TENM2: variants seen among roughly 807,000 people sequenced by gnomAD.
TENM2 encodes teneurin transmembrane protein 2, also known as teneurin-2.
TENM2 carries 52 observed loss-of-function variants against 245.2 expected under a neutral mutation model. The ratio of observed to expected loss-of-function variants is 0.21; its 90% CI spans 0.17 to 0.27. The LOEUF (loss-of-function observed/expected upper bound fraction) is 0.27, where lower values mean the gene tolerates loss of function less well. Ranked by LOEUF, TENM2 falls within the 10% of genes least tolerant of loss-of-function variation. The pLI is 1.00. For missense variants in TENM2, 3,046 were observed against 3,666.8 expected (o/e 0.83, Z 4.37); for synonymous variants, 1,363 against 1,438.9 (o/e 0.95, Z 1.19).
the TENM2 span, among the ~76,000 whole-genome samples, chr5:167,149,634 T>C: frequency 6.6e-6 from 1 of 152,174 alleles, no homozygotes; most frequent in Non-Finnish European, 1.5e-5. Flanking sequence ...AGGTTTCTTC[T>C]CTGGGAATAA....
At position 167,352,303 on chromosome 5, in the gene TENM2, A is replaced by G. The variant is rs539288129; in HGVS notation, c.227-22895A>G. Among the ~76,000 whole-genome samples, 18 of 152,214 alleles carry G rather than the reference A, an allele frequency of 1.2e-4. 2 individuals are homozygous for G. In the South Asian group the frequency reaches 3.1e-3, roughly 26 times the overall value. On this transcript the variant is annotated intron_variant, in intron 1 of 28. Transcript: ENST00000518659. ...CTACAATGGCTGAGTTAGCTTCTTT[A>G]TGTTAACTGCCTTGATTTTGTAAGT... is the stretch of plus-strand genomic sequence containing the variant.
At chr5:167,294,271 T>C (rs1201503166) in intron 1 of TENM2, 4 of 152,186 alleles carry the variant, frequency 2.6e-5, no homozygotes, top group East Asian at 1.9e-4. Flanking sequence ...GGAGGTATCC[T>C]GTAGGCTCTC....
chr5:168,125,272 A>C (rs1419296406), intron 11 of TENM2, among the ~76,000 whole-genome samples: 8 of 152,212 alleles, frequency 5.3e-5, no homozygotes. Context: ...CCGCAAATGC[A>C]TGAGGAGCCC....
At chr5:167,375,507 T>A (rs1561905917) in intron 2 of TENM2, 34 bp downstream of exon 4, 1 of 1,542,568 alleles carries the variant, frequency 6.5e-7, no homozygotes, top group East Asian at 2.4e-5. Flanking sequence ...TTTAACGTTC[T>A]GTGCACTGCA....
chr5:168,049,835 C>T lies in TENM2; in HGVS notation c.1309+2286C>T, dbSNP rs185296164. Among the ~76,000 whole-genome samples the T allele has an allele frequency of 3.7e-4, 56 of 152,310 alleles. No homozygotes were observed. In the East Asian group the frequency reaches 7.3e-3, roughly 20 times the overall value. On this transcript the variant is annotated intron_variant, in intron 6 of 28. Coordinates refer to ENST00000518659, the Ensembl canonical transcript of TENM2. Reference sequence around the variant, plus strand: ...TTGTTTTGTTTGAGACAGAGTCTCACTCTGTCACCTAGGCTGGAGTGCAGT... The same window carrying T: ...TTGTTTTGTTTGAGACAGAGTCTCATTCTGTCACCTAGGCTGGAGTGCAGT...
At chr5:167,703,530 C>CAAAAAAAAAAAAAAA (rs747603141) in intron 2 of TENM2, among the ~76,000 whole-genome samples, 2 of 97,176 alleles carry the variant, frequency 2.1e-5, no homozygotes, top group African/African-American at 6.4e-5. Context: ...GAAACCATCT[C>CAAAAAAAAAAAAAAA]AAAAAAAAAA....
chr5:167,625,762 G>T (rs1778461068), intron 2 of TENM2, among the ~76,000 whole-genome samples: 1 of 152,180 alleles, frequency 6.6e-6, no homozygotes, highest in Non-Finnish European at 1.5e-5. Flanking sequence ...TCATGAGGTG[G>T]CAGTCAAGAC....
intron 1 of TENM2, among the ~76,000 whole-genome samples, chr5:167,366,112 AT>A (rs1387983142): frequency 7.2e-6 from 1 of 138,612 alleles, no homozygotes; most frequent in East Asian, 2.2e-4. Flanking sequence ...AAGAAAAAAA[AT>A]TTTATTGGTG....
chr5:168,035,842 T>C (rs977372967), intron 5 of TENM2, among the ~76,000 whole-genome samples: 1 of 152,162 alleles, frequency 6.6e-6, no homozygotes, highest in Non-Finnish European at 1.5e-5. Context: ...GTCATAGAAC[T>C]GCAACAAGCC....
At chr5:167,130,446 CT>C in the TENM2 span, among the ~76,000 whole-genome samples, 1 of 152,172 alleles carries the variant, frequency 6.6e-6, no homozygotes, top group Non-Finnish European at 1.5e-5. Flanking sequence ...GGCAGGTACT[CT>C]TATGATTCTT....
At chr5:167,728,515 G>T (rs142831750) in intron 2 of TENM2, among the ~76,000 whole-genome samples, 2,625 of 143,156 alleles carry the variant, frequency 0.018, 61 homozygotes, top group African/African-American at 0.063. Flanking sequence ...GAGGCAGGAG[G>T]ATTACTTGAG....
At chr5:167,936,512 C>T (rs1261575374) in intron 3 of TENM2, among the ~76,000 whole-genome samples, 1 of 152,138 alleles carries the variant, frequency 6.6e-6, no homozygotes, top group Non-Finnish European at 1.5e-5. Flanking sequence ...TGCCTTTCTC[C>T]CTTGTTACAG....
At chr5:168,224,855 G>T (rs527304714) in intron 23 of TENM2, among the ~76,000 whole-genome samples, 5 of 152,126 alleles carry the variant, frequency 3.3e-5, no homozygotes, top group Non-Finnish European at 5.9e-5. Flanking sequence ...GCCTGGAAAC[G>T]AGCCTGCTTT....
chr5:167,066,454 A>G, the TENM2 span, among the ~76,000 whole-genome samples: 1 of 151,986 alleles, frequency 6.6e-6, no homozygotes, highest in Non-Finnish European at 1.5e-5. Context: ...ATGTGTATAC[A>G]TGTGCCATGT....
chr5:166,981,704 A>G, the TENM2 span, among the ~76,000 whole-genome samples: 1 of 152,204 alleles, frequency 6.6e-6, no homozygotes, highest in African/African-American at 2.4e-5. Flanking sequence ...CAGTTTCAGT[A>G]TCTTCACTAG....
chr5:167,826,134 T>C (rs2151066965), intron 2 of TENM2, among the ~76,000 whole-genome samples: 1 of 152,270 alleles, frequency 6.6e-6, no homozygotes, highest in African/African-American at 2.4e-5. Flanking sequence ...GCAGACAAAA[T>C]CATCCACCCA....
At chr5:167,624,228 G>C (rs1025391139) in intron 2 of TENM2, among the ~76,000 whole-genome samples, 1 of 152,120 alleles carries the variant, frequency 6.6e-6, no homozygotes, top group African/African-American at 2.4e-5. Context: ...CCATGGAATA[G>C]TACACAGCCA....
intron 7 of TENM2, among the ~76,000 whole-genome samples, chr5:168,074,193 C>T (rs527500203): frequency 2.0e-5 from 3 of 152,092 alleles, no homozygotes; most frequent in African/African-American, 7.2e-5. Context: ...TTTTTCATTT[C>T]CCCTACATCA....
intron 2 of TENM2, among the ~76,000 whole-genome samples, chr5:167,739,009 GT>G (rs1415966774): frequency 6.6e-6 from 1 of 152,210 alleles, no homozygotes; most frequent in Non-Finnish European, 1.5e-5. Context: ...ACAGAATGAA[GT>G]ATATTGCAGA....
Sources: allele counts gnomAD v4.1 joint callset (sites outside exome capture counted in the v4.1 genomes callset), GRCh38; gene constraint gnomAD v4.1.1; transcripts MANE v1.5; gene names NCBI Gene and HGNC (gene_info 2026-07-23, HGNC 2026-07-21).